Variants in MYO1D observed in about 807,000 individuals in gnomAD.
MYO1D encodes unconventional myosin-Id.
Under a neutral mutation model 122.0 loss-of-function variants are expected in MYO1D, and 83 were observed. The observed-to-expected ratio is 0.68, with a 90% CI of 0.57 to 0.82. MYO1D has a LOEUF of 0.82. MYO1D is among the 40% of genes least tolerant of loss of function. MYO1D has a pLI of 0.00. For missense variants in MYO1D, 1,157 were observed against 1,269.5 expected, an observed-to-expected ratio of 0.91 and a Z score of 1.35; for synonymous variants, 464 against 446.9, an observed-to-expected ratio of 1.04 and a Z score of -0.48.
rs984200379 is a variant in MYO1D at position 32,819,883 on chromosome 17, C to T, written c.96-39099G>A. Among the ~76,000 whole-genome samples, 17 of 152,204 alleles carry T rather than the reference C, an allele frequency of 1.1e-4. No individual in the cohort carries two copies. In the East Asian group the frequency reaches 3.1e-3, roughly 28 times the overall value. On this transcript the variant is annotated intron_variant, in intron 1 of 21. Transcript: ENST00000318217. ...GGGTAACCTGCTTAAGGTTACACAACTAGCAAGTGGCTAAGTCGGAATTTC... is the reference window on the plus strand; with the variant it reads ...GGGTAACCTGCTTAAGGTTACACAATTAGCAAGTGGCTAAGTCGGAATTTC...
chr17:32,771,101 C>G (rs753917008), intron 6 of MYO1D, 24 bp downstream of exon 6: 1 of 1,519,084 alleles, frequency 6.6e-7, no homozygotes, highest in African/African-American at 1.4e-5. Context: ...TCTATTGGAG[C>G]AATCTCAAAG....
At chr17:32,768,244 C>G (rs1157944658) in intron 6 of MYO1D, among the ~76,000 whole-genome samples, 1 of 152,202 alleles carries the variant, frequency 6.6e-6, no homozygotes, top group Admixed American at 6.5e-5. Flanking sequence ...CCCTCAAAAG[C>G]AAAACAGCCA....
At chr17:32,849,134 A>G (rs946337195) in intron 1 of MYO1D, among the ~76,000 whole-genome samples, 2 of 151,986 alleles carry the variant, frequency 1.3e-5, no homozygotes, top group Non-Finnish European at 2.9e-5. Context: ...CACACCAGTT[A>G]GAATGGCAAT....
intron 15 of MYO1D, among the ~76,000 whole-genome samples, chr17:32,719,372 C>T (rs796333806): frequency 9.1e-5 from 12 of 131,624 alleles, no homozygotes; most frequent in African/African-American, 2.5e-4. Flanking sequence ...TTTTTTGAGA[C>T]GGAGTCTCGC....
chr17:32,828,495 G>A (rs1023669317), intron 1 of MYO1D, among the ~76,000 whole-genome samples: 1 of 121,468 alleles, frequency 8.2e-6, no homozygotes, highest in East Asian at 2.5e-4. Flanking sequence ...CAGCCTGGAC[G>A]ACAGAGCGAG....
chr17:32,530,549 C>T (rs547086818), intron 21 of MYO1D, among the ~76,000 whole-genome samples: 16 of 152,136 alleles, frequency 1.1e-4, no homozygotes, highest in Admixed American at 3.3e-4. Context: ...GCCTGTAATC[C>T]CTGCACTTTG....
chr17:32,537,334 A>T (rs1265568801), intron 21 of MYO1D, among the ~76,000 whole-genome samples: 3 of 152,204 alleles, frequency 2.0e-5, no homozygotes, highest in Non-Finnish European at 4.4e-5. Context: ...ACTGGAACAC[A>T]GCCATGTCCA....
At chr17:32,601,890 C>G (rs1028558381) in intron 21 of MYO1D, among the ~76,000 whole-genome samples, 7 of 152,092 alleles carry the variant, frequency 4.6e-5, no homozygotes, top group African/African-American at 1.7e-4. Flanking sequence ...TGGGTGTGTA[C>G]TTGGAGAGGC....
rs755415435 is a variant in MYO1D at position 32,597,868 on chromosome 17, CAAAAAAAAAAAA to C, written c.2864+7207_2864+7218del. 9.6e-5 allele frequency among the ~76,000 whole-genome samples: 6 copies of C among 62,714 alleles called. No homozygotes were observed. The East Asian group carries it at 3.5e-3, about 37-fold the overall frequency. The allele number at this position is 62,714 out of a possible 152,430, so 41.1% of individuals were successfully genotyped here. A position where few individuals can be genotyped will look rare whatever the true frequency, so the allele number is the denominator to read the frequency against. ...TGGGTGACAGAGCAAAACCCTGTCT[CAAAAAAAAAAAA>C]AAAAAAAAAAAAGAAATCTCGTTTC... is the stretch of plus-strand genomic sequence containing the variant. On this transcript the variant is annotated intron_variant, in intron 21 of 21. Transcript: ENST00000318217.
intron 21 of MYO1D, among the ~76,000 whole-genome samples, chr17:32,501,441 G>A (rs1033313772): frequency 3.9e-5 from 6 of 152,226 alleles, no homozygotes; most frequent in African/African-American, 1.2e-4. Flanking sequence ...CACCTTGGAG[G>A]AAGGAATGCT....
At chr17:32,577,370 G>A (rs987136128) in intron 21 of MYO1D, among the ~76,000 whole-genome samples, 6 of 152,042 alleles carry the variant, frequency 3.9e-5, no homozygotes. Flanking sequence ...GGGCTCAAGT[G>A]ATCCTCCCAC....
intron 21 of MYO1D, among the ~76,000 whole-genome samples, chr17:32,511,317 G>A (rs73274260): frequency 0.037 from 5,640 of 151,866 alleles, 343 homozygotes; most frequent in African/African-American, 0.13. Context: ...TCAAACGCCC[G>A]AGCTCAAGCA....
chr17:32,819,548 A>G (rs567327608), intron 1 of MYO1D, among the ~76,000 whole-genome samples: 2 of 152,270 alleles, frequency 1.3e-5, no homozygotes, highest in East Asian at 3.9e-4. Context: ...GTTTATATAT[A>G]CTTATGAACT....
rs1419923003 is a variant in MYO1D, at chr17:32,745,297, A to C, written c.1539-12T>G. The C allele has an allele frequency of 1.3e-6, 2 of 1,493,064 alleles. No individual in the cohort carries two copies. The highest frequency in any genetic ancestry group is 2.8e-5 in the African/African-American group (2 of 71,194). The allele number at this position is 1,493,064 out of a possible 1,614,324, so 92.5% of individuals were successfully genotyped here. A position where few individuals can be genotyped will look rare whatever the true frequency, so the allele number is the denominator to read the frequency against. On this transcript the variant is annotated splice_polypyrimidine_tract_variant and intron_variant, in intron 12 of 21. Coordinates refer to ENST00000318217, the MANE Select transcript of MYO1D (RefSeq NM_015194.3). ...CAATGACAGAATAGCTAACAGGGAA[A>C]AATCACAGAAAACATGTATCATTTA...
intron 16 of MYO1D, among the ~76,000 whole-genome samples, chr17:32,710,825 T>C (rs2089366491): frequency 6.6e-6 from 1 of 152,006 alleles, no homozygotes; most frequent in African/African-American, 2.4e-5. Flanking sequence ...AATGAGATAA[T>C]CAAACTCAAA....
At chr17:32,508,340 T>C (rs758193027) in intron 21 of MYO1D, among the ~76,000 whole-genome samples, 2 of 152,130 alleles carry the variant, frequency 1.3e-5, no homozygotes, top group Admixed American at 6.5e-5. Context: ...AGTGGTGCCA[T>C]CTCTGCTTAC....
At chr17:32,598,142 G>T (rs1213771193) in intron 21 of MYO1D, among the ~76,000 whole-genome samples, 1 of 152,142 alleles carries the variant, frequency 6.6e-6, no homozygotes, top group Non-Finnish European at 1.5e-5. Flanking sequence ...GCGGGGCCAG[G>T]GCGGGTGGAC....
intron 21 of MYO1D, among the ~76,000 whole-genome samples, chr17:32,571,679 T>A (rs2087229532): frequency 6.6e-6 from 1 of 152,202 alleles, no homozygotes; most frequent in Non-Finnish European, 1.5e-5. Context: ...TGGTGGTATA[T>A]TGAAGAAATA....
intron 19 of MYO1D, among the ~76,000 whole-genome samples, chr17:32,653,637 C>T (rs2088430558): frequency 6.7e-6 from 1 of 148,370 alleles, no homozygotes; most frequent in Admixed American, 6.7e-5. Context: ...AAGGTTATCA[C>T]TTCCCTTAGG....
Sources: gnomAD v4.1 joint callset for allele counts (sites outside exome capture counted in the v4.1 genomes callset) on GRCh38, gnomAD v4.1.1 for gene constraint, MANE v1.5 for transcripts, NCBI Gene and HGNC (gene_info 2026-07-23, HGNC 2026-07-21) for gene names.